ST8SIA2: variants seen among roughly 807,000 people sequenced by gnomAD.
ST8SIA2 encodes the protein alpha-2,8-sialyltransferase 8B.
ST8SIA2 carries 22 observed loss-of-function variants against 37.6 expected under a neutral mutation model. The ratio of observed to expected loss-of-function variants is 0.58; its 90% CI spans 0.42 to 0.83. The LOEUF (loss-of-function observed/expected upper bound fraction) is 0.83. Among genes scored for constraint, ST8SIA2 ranks in the 40% least tolerant of loss-of-function variants. The pLI, the probability that ST8SIA2 is intolerant of heterozygous loss-of-function variation, is 0.00. For synonymous variants in ST8SIA2, 205 were observed against 201.2 expected, an observed-to-expected ratio of 1.02 and a Z score of -0.16; for missense variants, 382 against 484.7, an observed-to-expected ratio of 0.79 and a Z score of 1.99.
chr15:92,412,640 G>GTGTTTT (rs1283525037), intron 1 of ST8SIA2, among the ~76,000 whole-genome samples: 3 of 152,076 alleles, frequency 2.0e-5, no homozygotes, highest in African/African-American at 7.2e-5. Context: ...ATTTGCCTCT[G>GTGTTTT]TGTTTTTGTT....
intron 1 of ST8SIA2, among the ~76,000 whole-genome samples, chr15:92,412,630 A>ATGTGTTTTTGTTTTTGTTTTGTGT (rs2049557999): frequency 6.6e-6 from 1 of 151,758 alleles, no homozygotes; most frequent in Non-Finnish European, 1.5e-5. Context: ...ATGCACCACC[A>ATGTGTTTTTGTTTTTGTTTTGTGT]TTTGCCTCTG....
At chr15:92,401,062 A>G (rs1021237971) in intron 1 of ST8SIA2, among the ~76,000 whole-genome samples, 4 of 151,960 alleles carry the variant, frequency 2.6e-5, no homozygotes, top group African/African-American at 9.7e-5. Context: ...TGGATCCTAG[A>G]TAAGGTCCGG....
intron 1 of ST8SIA2, among the ~76,000 whole-genome samples, chr15:92,419,509 T>C (rs2049615131): frequency 6.6e-6 from 1 of 152,186 alleles, no homozygotes; most frequent in African/African-American, 2.4e-5. Context: ...ACCCGCATCC[T>C]GTGCCTGGCC....
chr15:92,407,261 T>C (rs1430112404), intron 1 of ST8SIA2, among the ~76,000 whole-genome samples: 1 of 152,210 alleles, frequency 6.6e-6, no homozygotes, highest in African/African-American at 2.4e-5. Context: ...GGGTTTAGCC[T>C]TTAGCCATTA....
chr15:92,447,733 G>A (rs980382519), intron 5 of ST8SIA2, among the ~76,000 whole-genome samples: 5 of 152,176 alleles, frequency 3.3e-5, no homozygotes, highest in Admixed American at 6.5e-5. Context: ...AGAGACATTC[G>A]ATAAGGAGCA....
intron 3 of ST8SIA2, among the ~76,000 whole-genome samples, chr15:92,436,962 G>T (rs2049763379): frequency 6.6e-6 from 1 of 152,166 alleles, no homozygotes; most frequent in Non-Finnish European, 1.5e-5. Context: ...TCACATGTCA[G>T]CCTGGAAATT....
chr15:92,427,331 G>A (rs936352913), intron 1 of ST8SIA2, among the ~76,000 whole-genome samples: 2 of 150,590 alleles, frequency 1.3e-5, no homozygotes, highest in Non-Finnish European at 2.9e-5. Context: ...CCATGAGCAC[G>A]GGGACTATAT....
At chr15:92,460,381 G>C (rs1039747859) in intron 5 of ST8SIA2, among the ~76,000 whole-genome samples, 2 of 152,204 alleles carry the variant, frequency 1.3e-5, no homozygotes, top group South Asian at 2.1e-4. Flanking sequence ...TTCTGCATTA[G>C]AGCTGAAAAT....
In ST8SIA2 at chr15:92,464,642, T is replaced by A; in HGVS notation, c.*257T>A. The A allele has an allele frequency of 1.9e-6, 1 of 524,882 alleles. No homozygotes were observed. Among genetic ancestry groups the A allele is most frequent in the South Asian group, 2.3e-5 (1 of 43,616 alleles). 32.5% of individuals were successfully genotyped at this position (524,882 alleles called of 1,614,324 possible). A position where few individuals can be genotyped will look rare whatever the true frequency, so the allele number is the denominator to read the frequency against. On this transcript the variant is annotated 3_prime_UTR_variant, in exon 6 of 6. Transcript: ENST00000268164. ...GTGTGGAGAACCCACCTGAACCAGA[T>A]TGAGACTCAATCCATCTTTGGGGGT... is the stretch of plus-strand genomic sequence containing the variant.
chr15:92,452,791 A>G (rs947807845), intron 5 of ST8SIA2, among the ~76,000 whole-genome samples: 10 of 152,292 alleles, frequency 6.6e-5, no homozygotes, highest in Non-Finnish European at 1.2e-4. Context: ...TCTCAGAACA[A>G]CCTGATAAGA....
rs1364724700 is a variant in ST8SIA2, at chr15:92,394,055, C to T, written c.-10C>T. ...CGGCCCGCGTGGGTCCCGGCGGGCG[C>T]GAACCCACCATGCAGCTGCAGTTCC... On this transcript the variant is annotated 5_prime_UTR_variant, in exon 1 of 6. Coordinates refer to ENST00000268164, the MANE Select transcript of ST8SIA2 (RefSeq NM_006011.4). The T allele has an allele frequency of 2.6e-6, 4 of 1,547,442 alleles. No individual in the cohort carries two copies. The highest frequency in any genetic ancestry group is 2.6e-6 in the Non-Finnish European group (3 of 1,145,272).
At chr15:92,456,893 C>T (rs1263064465) in intron 5 of ST8SIA2, among the ~76,000 whole-genome samples, 1 of 152,178 alleles carries the variant, frequency 6.6e-6, no homozygotes, top group Non-Finnish European at 1.5e-5. Context: ...GGCAGGGAGG[C>T]CTGGGGATCT....
intron 5 of ST8SIA2, among the ~76,000 whole-genome samples, chr15:92,460,036 G>A (rs2049946813): frequency 6.6e-6 from 1 of 152,064 alleles, no homozygotes; most frequent in Non-Finnish European, 1.5e-5. Context: ...ACTGAGGCTG[G>A]GTGTTCGTTT....
intron 5 of ST8SIA2, among the ~76,000 whole-genome samples, chr15:92,447,175 G>A (rs565855654): frequency 6.6e-6 from 1 of 152,312 alleles, no homozygotes; most frequent in East Asian, 1.9e-4. Context: ...TTGAGGTAAA[G>A]GCAGCAGGAT....
intron 5 of ST8SIA2, among the ~76,000 whole-genome samples, chr15:92,449,927 A>G (rs1055981934): frequency 1.3e-5 from 2 of 152,026 alleles, no homozygotes; most frequent in African/African-American, 4.8e-5. Flanking sequence ...GTTTGTGAAT[A>G]TTTTCTCCCA....
intron 1 of ST8SIA2, among the ~76,000 whole-genome samples, chr15:92,415,926 A>C (rs1390127808): frequency 2.0e-5 from 3 of 152,146 alleles, no homozygotes; most frequent in Non-Finnish European, 4.4e-5. Context: ...GATGTGTGGA[A>C]AAGAAGATGA....
In ST8SIA2 at chr15:92,409,616, A is replaced by G. The variant is rs143661463; in HGVS notation, c.98+15454A>G. On this transcript the variant is annotated intron_variant, in intron 1 of 5. Coordinates refer to ENST00000268164, the MANE Select transcript of ST8SIA2 (RefSeq NM_006011.4). ...GTATAGCGAGTGCATGACACCTGGT[A>G]CATGCTCAGTAACTATTTCTCAAAT... Among the ~76,000 whole-genome samples, 651 of 152,302 alleles carry G rather than the reference A, an allele frequency of 4.3e-3. 10 individuals are homozygous for G. Among genetic ancestry groups the G allele is most frequent in the African/African-American group, 0.015 (620 of 41,568 alleles).
chr15:92,393,993 G>A lies in ST8SIA2; in HGVS notation c.-72G>A. ...GCGCGCGGCGCGCGGAGGCTCCGGC[G>A]TCCGCCGCTGCGCCCTCCGGCCCCT... On this transcript the variant is annotated 5_prime_UTR_variant, in exon 1 of 6. Transcript: ENST00000268164. 1 of 1,163,132 alleles carries A rather than the reference G, an allele frequency of 8.6e-7. No homozygotes were observed. Among genetic ancestry groups the A allele is most frequent in the Non-Finnish European group, 1.1e-6 (1 of 873,240 alleles). The allele number at this position is 1,163,132 out of a possible 1,614,324, so 72.1% of individuals were successfully genotyped here. A position where few individuals can be genotyped will look rare whatever the true frequency, so the allele number is the denominator to read the frequency against.
chr15:92,419,817 G>GTTAAA (rs1056380249), intron 1 of ST8SIA2, among the ~76,000 whole-genome samples: 1 of 152,196 alleles, frequency 6.6e-6, no homozygotes, highest in African/African-American at 2.4e-5. Context: ...GATTTTGAGT[G>GTTAAA]TTAAGGATTT....
Sources: allele counts gnomAD v4.1 joint callset (sites outside exome capture counted in the v4.1 genomes callset), GRCh38; gene constraint gnomAD v4.1.1; transcripts MANE v1.5; gene names NCBI Gene and HGNC (gene_info 2026-07-23, HGNC 2026-07-21).